KIAA0825: variants seen among roughly 807,000 people sequenced by gnomAD.
The protein encoded by KIAA0825 is KIAA0825.
A neutral mutation model predicts 147.6 loss-of-function variants in KIAA0825; 119 were observed. That is an observed-to-expected ratio of 0.81 (90% CI 0.69 to 0.94). The LOEUF is 0.94. KIAA0825 is among the 40% of genes least tolerant of loss of function. The pLI, the probability that KIAA0825 is intolerant of heterozygous loss-of-function variation, is 0.00. For synonymous variants in KIAA0825, 470 were observed against 518.1 expected (o/e 0.91, Z 1.26); for missense variants, 1,381 against 1,472.7 (o/e 0.94, Z 1.02).
intron 3 of KIAA0825, among the ~76,000 whole-genome samples, chr5:94,527,063 C>A (rs1181935978): frequency 6.6e-6 from 1 of 152,028 alleles, no homozygotes; most frequent in African/African-American, 2.4e-5. Context: ...CAGTACTTGT[C>A]ATCTAACCTC....
intron 1 of KIAA0825, among the ~76,000 whole-genome samples, chr5:94,598,338 A>G (rs1785682438): frequency 6.6e-6 from 1 of 152,128 alleles, no homozygotes; most frequent in African/African-American, 2.4e-5. Flanking sequence ...GGTGATCAAT[A>G]TCACAGACTT....
At chr5:94,593,560 C>A in intron 1 of KIAA0825, 1 of 564,210 alleles carries the variant, frequency 1.8e-6, no homozygotes, top group Non-Finnish European at 3.3e-6. Flanking sequence ...CATTGCAGGA[C>A]CTGAAGAAAA....
intron 20 of KIAA0825, among the ~76,000 whole-genome samples, chr5:94,340,591 C>A (rs1782271350): frequency 6.6e-6 from 1 of 152,132 alleles, no homozygotes; most frequent in South Asian, 2.1e-4. Context: ...ATAGACCAGT[C>A]TGAATGATTA....
chr5:94,233,408 A>G (rs561646630), intron 20 of KIAA0825, among the ~76,000 whole-genome samples: 7 of 152,236 alleles, frequency 4.6e-5, no homozygotes, highest in Non-Finnish European at 1.0e-4. Context: ...GGTCATTCCT[A>G]TGAAAATAAT....
At chr5:94,383,461 A>T (rs1349343465) in intron 20 of KIAA0825, among the ~76,000 whole-genome samples, 3 of 152,206 alleles carry the variant, frequency 2.0e-5, no homozygotes, top group Non-Finnish European at 1.5e-5. Flanking sequence ...AAAAAAAGAT[A>T]CTCAATATTT....
chr5:94,278,473 T>A (rs1294948982), intron 20 of KIAA0825, among the ~76,000 whole-genome samples: 1 of 152,154 alleles, frequency 6.6e-6, no homozygotes, highest in Non-Finnish European at 1.5e-5. Context: ...TATTGAATAT[T>A]TGCTACATTT....
intron 5 of KIAA0825, among the ~76,000 whole-genome samples, chr5:94,488,453 T>C (rs577811477): frequency 3.9e-5 from 6 of 152,284 alleles, no homozygotes; most frequent in African/African-American, 1.2e-4. Context: ...CAAAATATTA[T>C]AAAGATAAAA....
chr5:94,386,426 A>G, intron 18 of KIAA0825, 22 bp from the exon 19 acceptor site: 1 of 1,535,048 alleles, frequency 6.5e-7, no homozygotes, highest in Non-Finnish European at 8.8e-7. Context: ...AGAAATTACA[A>G]GTTGTGACGG....
intron 1 of KIAA0825, chr5:94,594,723 G>A (rs1009399167): frequency 3.2e-6 from 2 of 632,984 alleles, no homozygotes; most frequent in Non-Finnish European, 3.0e-6. Context: ...GAACTCTATG[G>A]CACTGTCAAC....
chr5:94,383,889 A>G (rs1460814569), intron 20 of KIAA0825, among the ~76,000 whole-genome samples: 1 of 151,854 alleles, frequency 6.6e-6, no homozygotes, highest in African/African-American at 2.4e-5. Context: ...ACTGGCTGAA[A>G]AGTGAAAAAT....
intron 5 of KIAA0825, among the ~76,000 whole-genome samples, chr5:94,487,441 A>C (rs1380684346): frequency 3.9e-5 from 6 of 152,172 alleles, no homozygotes; most frequent in African/African-American, 1.4e-4. Context: ...ATTAAAGCGA[A>C]ATTAAGCACA....
intron 15 of KIAA0825, among the ~76,000 whole-genome samples, chr5:94,412,157 T>C (rs1287944091): frequency 1.3e-5 from 2 of 152,166 alleles, no homozygotes; most frequent in East Asian, 3.8e-4. Context: ...AAGTTTTGAA[T>C]AGATATTTTA....
rs188808848 is a variant in KIAA0825, at chr5:94,257,323, C to T, written c.3711-103199G>A. ...ACTTGTCTTCACTGTCAATCAAACACATCACTTCAGACACAGACCATGCTT... is the reference window on the plus strand; with the variant it reads ...ACTTGTCTTCACTGTCAATCAAACATATCACTTCAGACACAGACCATGCTT... On this transcript the variant is annotated intron_variant, in intron 20 of 20. Coordinates refer to ENST00000682413, the MANE Select transcript of KIAA0825 (RefSeq NM_001145678.3). Among the ~76,000 whole-genome samples, 1,202 of 152,140 alleles carry T rather than the reference C, an allele frequency of 7.9e-3. 9 individuals are homozygous for T. The highest frequency in any genetic ancestry group is 0.013 in the Non-Finnish European group (869 of 67,954).
At chr5:94,246,440 C>G (rs973973800) in intron 20 of KIAA0825, among the ~76,000 whole-genome samples, 2 of 152,000 alleles carry the variant, frequency 1.3e-5, no homozygotes, top group Non-Finnish European at 2.9e-5. Flanking sequence ...TTTACCACAC[C>G]GTAACCAGAT....
At chr5:94,601,550 T>C (rs1026028849) in intron 1 of KIAA0825, among the ~76,000 whole-genome samples, 2 of 152,134 alleles carry the variant, frequency 1.3e-5, no homozygotes, top group Non-Finnish European at 2.9e-5. Context: ...GGGCTGAGGC[T>C]GATATGGCTG....
At chr5:94,575,811 T>C (rs1780915558) in intron 2 of KIAA0825, among the ~76,000 whole-genome samples, 1 of 152,218 alleles carries the variant, frequency 6.6e-6, no homozygotes. Context: ...GGGTGACTAC[T>C]ATGTTTGCCC....
intron 20 of KIAA0825, among the ~76,000 whole-genome samples, chr5:94,169,646 G>A (rs556775318): frequency 1.8e-4 from 27 of 151,106 alleles, no homozygotes; most frequent in Middle Eastern, 3.5e-3. Context: ...ACTCTTCATC[G>A]AGTCACTGCC....
intron 5 of KIAA0825, among the ~76,000 whole-genome samples, chr5:94,511,557 T>A (rs995743924): frequency 6.7e-6 from 1 of 148,922 alleles, no homozygotes; most frequent in Non-Finnish European, 1.5e-5. Context: ...GAGGCAGAGG[T>A]TGCGGTGAGC....
intron 12 of KIAA0825, among the ~76,000 whole-genome samples, chr5:94,454,749 G>C (rs1039016268): frequency 1.3e-5 from 2 of 152,154 alleles, no homozygotes; most frequent in African/African-American, 4.8e-5. Flanking sequence ...GTAGTGAGGA[G>C]AGCAGGTTGG....
Sources: allele counts gnomAD v4.1 joint callset (sites outside exome capture counted in the v4.1 genomes callset), GRCh38; gene constraint gnomAD v4.1.1; transcripts MANE v1.5; gene names NCBI Gene and HGNC (gene_info 2026-07-23, HGNC 2026-07-21).